The following MAST2 variants were observed in gnomAD, a reference collection of about 807,000 sequenced individuals.
MAST2 encodes the protein microtubule-associated serine/threonine-protein kinase 2.
A neutral mutation model predicts 147.4 loss-of-function variants in MAST2; 70 were observed. The observed-to-expected ratio is 0.47, with a 90% CI of 0.39 to 0.58. The LOEUF (loss-of-function observed/expected upper bound fraction) is 0.58. MAST2 is among the 20% of genes least tolerant of loss of function. MAST2 has a pLI of 0.00. For missense variants in MAST2, 2,080 were observed against 2,302.3 expected (o/e 0.90, Z 1.98); for synonymous variants, 869 against 896.8 (o/e 0.97, Z 0.55).
intron 5 of MAST2, among the ~76,000 whole-genome samples, chr1:45,963,535 G>A (rs1282380467): frequency 6.6e-6 from 1 of 152,108 alleles, no homozygotes; most frequent in African/African-American, 2.4e-5. Context: ...ATTGTGAATG[G>A]GAGTTCACTC....
intron 4 of MAST2, among the ~76,000 whole-genome samples, chr1:45,946,829 T>C (rs1251018519): frequency 3.3e-5 from 5 of 152,178 alleles, no homozygotes; most frequent in Non-Finnish European, 7.3e-5. Flanking sequence ...AAGACTTTGG[T>C]GGGAGCATAC....
chr1:46,016,823 A>G (rs545077841), intron 10 of MAST2, among the ~76,000 whole-genome samples: 5 of 152,310 alleles, frequency 3.3e-5, no homozygotes, highest in Admixed American at 3.3e-4. Context: ...AGAAAAAACT[A>G]CTTTAAAGTT....
chr1:45,838,215 CTTTTTTT>C lies in MAST2; in HGVS notation c.468+8650_468+8656del, dbSNP rs61696475. On this transcript the variant is annotated intron_variant, in intron 3 of 28. Transcript: ENST00000361297. ...TGCTTATTTGCCAATTATATATATT[CTTTTTTT>C]TTTTTTTTTTTTTTTGAGATGGAGT... is the stretch of plus-strand genomic sequence containing the variant. 1.7e-3 allele frequency among the ~76,000 whole-genome samples: 164 copies of C among 97,946 alleles called. 1 individual carries two copies. Among genetic ancestry groups the C allele is most frequent in the African/African-American group, 5.2e-3 (124 of 24,068 alleles). The allele number at this position is 97,946 out of a possible 152,430, so 64.3% of individuals were successfully genotyped here.
rs1398042920 is a variant in MAST2, at chr1:46,035,620, G to C, written c.4951G>C (p.Gly1651Arg). The change falls in exon 29 of 29, where the codon GGG becomes CGG. Residue 1651 changes from glycine (G) to arginine (R), a missense_variant. Around this residue, in one of 4 missense-constraint regions of MAST2, gnomAD observed 1,278 missense variants for 1,304.2 expected, o/e 0.98. Transcript: ENST00000361297. The surrounding 1 kb of genome is among the most constrained non-coding windows in gnomAD (Gnocchi z 5.5). ...SSCSPPSSTS[G>R]KLSMWSWKSL... ...TTGCTCTCCTCCCAGCTCCACCTCT[G>C]GGAAGCTGAGCATGTGGTCCTGGAA... The C allele has an allele frequency of 6.2e-7, 1 of 1,613,872 alleles. No homozygotes were observed. Among genetic ancestry groups the C allele is most frequent in the African/African-American group, 1.3e-5 (1 of 74,982 alleles).
At chr1:45,911,652 C>G (rs937827273) in intron 4 of MAST2, among the ~76,000 whole-genome samples, 2 of 151,674 alleles carry the variant, frequency 1.3e-5, no homozygotes, top group Non-Finnish European at 2.9e-5. Flanking sequence ...TTTCTACTTA[C>G]CATTGGCATG....
At chr1:45,851,303 G>A (rs1045497572) in intron 3 of MAST2, among the ~76,000 whole-genome samples, 1 of 152,116 alleles carries the variant, frequency 6.6e-6, no homozygotes, top group African/African-American at 2.4e-5. Context: ...AATTGCTACT[G>A]ATTTTTGTAC....
At chr1:45,858,302 A>G (rs1040088717) in intron 3 of MAST2, among the ~76,000 whole-genome samples, 1 of 152,130 alleles carries the variant, frequency 6.6e-6, no homozygotes. Context: ...AATGATTGCC[A>G]TTCTAACTGA....
At chr1:45,839,129 ATTTT>A (rs370950575) in intron 3 of MAST2, among the ~76,000 whole-genome samples, 6 of 127,602 alleles carry the variant, frequency 4.7e-5, no homozygotes, top group Non-Finnish European at 3.2e-5. Flanking sequence ...ACCATCACAA[ATTTT>A]TTTTTTTTTT....
At chr1:45,921,505 T>G (rs532576626) in intron 4 of MAST2, among the ~76,000 whole-genome samples, 5 of 151,760 alleles carry the variant, frequency 3.3e-5, no homozygotes, top group Admixed American at 3.3e-4. Flanking sequence ...TAGTGAAGGG[T>G]GTGTGGCAAG....
At chr1:46,022,502 C>A (rs557325691) in intron 12 of MAST2, among the ~76,000 whole-genome samples, 2 of 152,318 alleles carry the variant, frequency 1.3e-5, no homozygotes, top group South Asian at 2.1e-4. Flanking sequence ...TCCTGCTGAA[C>A]CCCTGCAGCA....
rs1245482125 is a variant in MAST2 at position 46,032,702 on chromosome 1, T to C, written c.3521T>C (p.Val1174Ala). ...CATGGCCTGGTGCACACGGAGGTGG[T>C]AGAGCTGATCCTGAAGGTTAGTGCT... ...PVHGLVHTEV[V>A]ELILKSGNKV... is the part of the protein sequence containing the mutation. Residue 1174 changes from valine to alanine, a missense_variant, in exon 26 of 29, where the codon GTA becomes GCA. By Grantham distance (64) the Val-to-Ala change is moderately conservative. Coordinates refer to ENST00000361297, the MANE Select transcript of MAST2 (RefSeq NM_015112.3). 1 of 1,613,628 alleles carries C rather than the reference T, an allele frequency of 6.2e-7. No individual in the cohort carries two copies. The highest frequency in any genetic ancestry group is 8.5e-7 in the Non-Finnish European group (1 of 1,179,750).
At chr1:46,013,139 A>G (rs1269829933) in intron 10 of MAST2, among the ~76,000 whole-genome samples, 1 of 152,206 alleles carries the variant, frequency 6.6e-6, no homozygotes, top group Non-Finnish European at 1.5e-5. Flanking sequence ...TAGACACTGC[A>G]TTACCTCATT....
chr1:45,830,459 C>G (rs1213410763), intron 3 of MAST2, among the ~76,000 whole-genome samples: 1 of 152,170 alleles, frequency 6.6e-6, no homozygotes. Context: ...AGGCTTGAGC[C>G]ACTGTGCCTG....
At position 46,035,243 on chromosome 1, in the gene MAST2, C is replaced by G. The variant is rs201666041; in HGVS notation, c.4574C>G (p.Pro1525Arg). The change falls in exon 29 of 29, where the codon CCT becomes CGT. Residue 1525 changes from proline to arginine, a missense_variant. Around this residue, in one of 4 missense-constraint regions of MAST2, gnomAD observed 1,278 missense variants for 1,304.2 expected, o/e 0.98. Coordinates refer to ENST00000361297, the MANE Select transcript of MAST2 (RefSeq NM_015112.3). This position sits in a 1 kb window ranked among gnomAD's most constrained non-coding sequence, Gnocchi z 5.5. ...SQGAQELSLA[P>R]HPEVSQSVAP... Reference sequence around the variant, plus strand: ...GGTGCACAGGAGCTGAGCTTGGCACCTCACCCAGAAGTGAGCCAGAGTGTG... The same window carrying G: ...GGTGCACAGGAGCTGAGCTTGGCACGTCACCCAGAAGTGAGCCAGAGTGTG... 167 of 1,613,892 alleles carry G rather than the reference C, an allele frequency of 1.0e-4. No individual in the cohort carries two copies. The highest frequency in any genetic ancestry group is 1.4e-4 in the Non-Finnish European group (163 of 1,180,014).
At chr1:45,891,009 G>A (rs939774031) in intron 4 of MAST2, among the ~76,000 whole-genome samples, 12 of 138,110 alleles carry the variant, frequency 8.7e-5, no homozygotes, top group African/African-American at 3.4e-4. Context: ...CTCATTGTTA[G>A]TAAGGAAATC....
chr1:45,959,431 A>T lies in MAST2; in HGVS notation c.546A>T (p.Thr182=). Residue 182 remains threonine (T), a synonymous_variant, in exon 5 of 29, where the codon ACA becomes ACT. Coordinates refer to ENST00000361297, the MANE Select transcript of MAST2 (RefSeq NM_015112.3). ...AGAGCTTGATTGTGACCTCTAGCAC[A>T]TCACCTACACTACCACGGCCACACT... is the stretch of plus-strand genomic sequence containing the variant. ...NRKSLIVTSS[T]SPTLPRPHSP... 2.5e-6 allele frequency: 4 copies of T among 1,613,854 alleles called. No individual in the cohort carries two copies. The highest frequency in any genetic ancestry group is 3.4e-6 in the Non-Finnish European group (4 of 1,179,836).
intron 3 of MAST2, among the ~76,000 whole-genome samples, chr1:45,851,538 G>C (rs936283496): frequency 1.3e-5 from 2 of 152,246 alleles, no homozygotes; most frequent in African/African-American, 4.8e-5. Flanking sequence ...TCCTTGTCTT[G>C]TTCCAGTTCT....
intron 5 of MAST2, among the ~76,000 whole-genome samples, chr1:45,964,269 T>G (rs1242694445): frequency 3.3e-5 from 5 of 152,228 alleles, no homozygotes; most frequent in South Asian, 4.1e-4. Context: ...TTCTATTGAT[T>G]GGAATAGTTT....
At chr1:45,855,833 A>G (rs1015301903) in intron 3 of MAST2, among the ~76,000 whole-genome samples, 6 of 151,566 alleles carry the variant, frequency 4.0e-5, no homozygotes, top group Admixed American at 6.6e-5. Flanking sequence ...CTTTTCTATC[A>G]TTTTCTTTCT....
Sources: allele counts gnomAD v4.1 joint callset (sites outside exome capture counted in the v4.1 genomes callset), GRCh38; gene constraint gnomAD v4.1.1; regional missense constraint gnomAD v4.1.1; non-coding constraint Gnocchi (gnomAD v3.1); transcripts MANE v1.5; gene names NCBI Gene and HGNC (gene_info 2026-07-23, HGNC 2026-07-21).